HSPH1: variants seen among roughly 807,000 people sequenced by gnomAD.
HSPH1 encodes the protein heat shock protein 105 kDa.
Under a neutral mutation model 100.0 loss-of-function variants are expected in HSPH1, and 40 were observed. The ratio of observed to expected loss-of-function variants is 0.40; its 90% CI spans 0.31 to 0.52. HSPH1 has a LOEUF of 0.52. Among genes scored for constraint, HSPH1 ranks in the 20% least tolerant of loss-of-function variants. HSPH1 has a pLI of 0.54. For synonymous variants in HSPH1, 403 were observed against 344.0 expected, an observed-to-expected ratio of 1.17 and a Z score of -1.90; for missense variants, 876 against 1,015.1, an observed-to-expected ratio of 0.86 and a Z score of 1.86.
In HSPH1 at chr13:31,151,208, A is replaced by G; in HGVS notation, c.664-17T>C. On this transcript the variant is annotated splice_polypyrimidine_tract_variant and intron_variant, in intron 6 of 17. Transcript: ENST00000320027. The stretch of plus-strand genomic sequence containing the variant: ...TCCCAGTACCTAATTTGGTTGAAAC[A>G]ACAAATAGTCTGGTTATTTTCAATC... The G allele has an allele frequency of 1.9e-6, 3 of 1,581,378 alleles. No individual in the cohort carries two copies. Among genetic ancestry groups the G allele is most frequent in the Non-Finnish European group, 2.6e-6 (3 of 1,162,854 alleles).
At position 31,141,115 on chromosome 13, in the gene HSPH1, T is replaced by C; in HGVS notation, c.1854+7A>G. ...TCAAAATAAAAATATTTAATTGAAG[T>C]ACTTACCTCTGTCTCAATATACATG... On this transcript the variant is annotated splice_region_variant and intron_variant, in intron 13 of 17. Coordinates refer to ENST00000320027, the MANE Select transcript of HSPH1 (RefSeq NM_006644.4). 2.0e-6 allele frequency: 3 copies of C among 1,533,390 alleles called. No homozygotes were observed. Among genetic ancestry groups the C allele is most frequent in the Non-Finnish European group, 2.6e-6 (3 of 1,135,194 alleles). The allele number at this position is 1,533,390 out of a possible 1,614,324, so 95.0% of individuals were successfully genotyped here. A position where few individuals can be genotyped will look rare whatever the true frequency, so the allele number is the denominator to read the frequency against.
At chr13:31,162,234 C>T, upstream of HSPH1, 18 of 793,566 alleles carry the variant, frequency 2.3e-5, no homozygotes, top group South Asian at 1.8e-4. Context: ...CAATTTACTA[C>T]CGGGAGGTGG....
upstream of HSPH1, chr13:31,162,065 C>G (rs918678144): frequency 6.5e-7 from 1 of 1,536,148 alleles, no homozygotes. Flanking sequence ...AATGGGCAGC[C>G]GGTCCCCGGA....
intron 1 of HSPH1, among the ~76,000 whole-genome samples, chr13:31,159,263 A>T (rs766733820): frequency 4.6e-5 from 7 of 152,250 alleles, no homozygotes; most frequent in African/African-American, 4.8e-5. Flanking sequence ...TGTCATTGTC[A>T]TACCGACTTT....
rs1177298673 is a variant in HSPH1, at chr13:31,161,882, C to T, written c.-300G>A. ...CACTCTGCCGCGGCTCGCACACCGGCGCCGGCGCTGAACTACCGACCCAAA... is the reference window on the plus strand; with the variant it reads ...CACTCTGCCGCGGCTCGCACACCGGTGCCGGCGCTGAACTACCGACCCAAA... On this transcript the variant is annotated 5_prime_UTR_variant, in exon 1 of 18. Transcript: ENST00000320027. 2 of 1,487,520 alleles carry T rather than the reference C, an allele frequency of 1.3e-6. No homozygotes were observed. Among genetic ancestry groups the T allele is most frequent in the South Asian group, 1.3e-5 (1 of 77,438 alleles). The allele number at this position is 1,487,520 out of a possible 1,614,324, so 92.1% of individuals were successfully genotyped here.
intron 7 of HSPH1, 28 bp from the exon 8 acceptor site, chr13:31,150,210 AAAGTT>A: frequency 1.4e-6 from 2 of 1,472,054 alleles, no homozygotes; most frequent in African/African-American, 1.4e-5. Flanking sequence ...TGTTTTTAGA[AAAGTT>A]AAGACCAATA....
chr13:31,161,405 C>A, intron 1 of HSPH1, 71 bp downstream of exon 1: 3 of 1,573,956 alleles, frequency 1.9e-6, no homozygotes, highest in South Asian at 2.3e-5. Flanking sequence ...GTACAGCCAG[C>A]CCGCGATCTT....
chr13:31,147,925 T>G, intron 10 of HSPH1, 34 bp downstream of exon 10: 2 of 1,538,202 alleles, frequency 1.3e-6, no homozygotes, highest in Non-Finnish European at 1.7e-6. Context: ...AGTCTTTAAC[T>G]AAAAGAGTAA....
At position 31,148,331 on chromosome 13, in the gene HSPH1, T is replaced by C. The variant is rs371891948; in HGVS notation, c.1244+43A>G. 305 of 1,243,490 alleles carry C rather than the reference T, an allele frequency of 2.5e-4. 1 individual carries two copies. The African/African-American group carries it at 4.3e-3, about 18-fold the overall frequency. The allele number at this position is 1,243,490 out of a possible 1,614,324, so 77.0% of individuals were successfully genotyped here. On this transcript the variant is annotated intron_variant, in intron 9 of 17. Coordinates refer to ENST00000320027, the MANE Select transcript of HSPH1 (RefSeq NM_006644.4). ...TAGAGAAGTCATTTGTTAATTTTTCTTCTTTACATTATAGTATCTGAATGT... is the reference window on the plus strand; with the variant it reads ...TAGAGAAGTCATTTGTTAATTTTTCCTCTTTACATTATAGTATCTGAATGT...
chr13:31,162,251 A>C (rs1162715141), upstream of HSPH1: 10 of 708,902 alleles, frequency 1.4e-5, no homozygotes, highest in Non-Finnish European at 1.9e-5. Context: ...GTGGTGTCCG[A>C]TCCTTAACGC....
chr13:31,137,928 ACTG>A (rs1481147444), intron 17 of HSPH1, among the ~76,000 whole-genome samples: 1 of 152,124 alleles, frequency 6.6e-6, no homozygotes, highest in African/African-American at 2.4e-5. Context: ...CTTGACCTTC[ACTG>A]TGTTTGAACA....
chr13:31,156,293 G>A (rs1476038702), intron 2 of HSPH1, among the ~76,000 whole-genome samples: 3 of 152,156 alleles, frequency 2.0e-5, no homozygotes, highest in Non-Finnish European at 4.4e-5. Context: ...GGGAGGCTGA[G>A]GCAGGAGAAT....
At chr13:31,157,057 C>T (rs1441861400) in intron 2 of HSPH1, among the ~76,000 whole-genome samples, 2 of 152,092 alleles carry the variant, frequency 1.3e-5, no homozygotes, top group Non-Finnish European at 2.9e-5. Context: ...TTTCTCTTAC[C>T]TAATTTTTTG....
intron 12 of HSPH1, among the ~76,000 whole-genome samples, chr13:31,142,291 A>C (rs759599819): frequency 6.6e-6 from 1 of 152,122 alleles, no homozygotes; most frequent in Non-Finnish European, 1.5e-5. Flanking sequence ...AAAATTAAAG[A>C]GATGGAATTA....
In HSPH1 at chr13:31,148,397, G is replaced by T; in HGVS notation, c.1221C>A (p.Asn407Lys). 6.4e-7 allele frequency: 1 copy of T among 1,570,996 alleles called. No homozygotes were observed. Among genetic ancestry groups the T allele is most frequent in the Non-Finnish European group, 8.7e-7 (1 of 1,152,246 alleles). The change falls in exon 9 of 18, where the codon AAC becomes AAA. Residue 407 changes from asparagine to lysine, a missense_variant. Asn to Lys is a moderately conservative substitution (Grantham distance 94). Coordinates refer to ENST00000320027, the MANE Select transcript of HSPH1 (RefSeq NM_006644.4). Reference protein sequence around the residue: ...AVPFPISLIWNHDSEDTEGVH... With the variant: ...AVPFPISLIWKHDSEDTEGVH... ...ACCCTTCAGTATCTTCTGAATCATG[G>T]TTCCAGATCAGAGATATTGGAAAAG...
Position 31,145,688 on chromosome 13 carries a change from G to C in HSPH1, c.1459C>G (p.His487Asp), listed in dbSNP as rs755567874. 45 of 1,613,426 alleles carry C rather than the reference G, an allele frequency of 2.8e-5. No homozygotes were observed. Among genetic ancestry groups the C allele is most frequent in the Non-Finnish European group, 3.5e-5 (41 of 1,179,652 alleles). Residue 487 changes from histidine to aspartate, a missense_variant, in exon 11 of 18, where the codon CAT (histidine) becomes GAT (aspartate). Physicochemically the swap from His to Asp is moderately conservative, Grantham distance 81. Coordinates refer to ENST00000320027, the MANE Select transcript of HSPH1 (RefSeq NM_006644.4). ...RVKVKVRVNT[H>D]GIFTISTASM... ...GCCGTAGAGATGGTGAAAATGCCAT[G>C]GGTGTTGACTCGCACTTTGACTTTT...
chr13:31,156,539 G>A (rs923241597), intron 2 of HSPH1, among the ~76,000 whole-genome samples: 1 of 150,562 alleles, frequency 6.6e-6, no homozygotes, highest in Non-Finnish European at 1.5e-5. Context: ...ACTCTAGCTT[G>A]GGTAACAAGG....
At chr13:31,149,027 T>C (rs1337213302) in intron 8 of HSPH1, among the ~76,000 whole-genome samples, 6 of 152,214 alleles carry the variant, frequency 3.9e-5, no homozygotes, top group Admixed American at 1.3e-4. Flanking sequence ...ATGATTAAGC[T>C]AAATAGACCA....
rs111616965 is a variant in HSPH1, at chr13:31,141,230, T to C, written c.1746A>G (p.Pro582=). The part of the protein sequence containing the change: ...KANEKKVDQP[P]EAKKPKIKVV... Reference sequence around the variant, plus strand: ...CCTTTATTTTGGGCTTTTTAGCTTCTGGAGGCTGGTCAACTTTTTTTTCAT... The same window carrying C: ...CCTTTATTTTGGGCTTTTTAGCTTCCGGAGGCTGGTCAACTTTTTTTTCAT... Residue 582 remains proline, a synonymous_variant, in exon 13 of 18, where the codon CCA becomes CCG. Coordinates refer to ENST00000320027, the MANE Select transcript of HSPH1 (RefSeq NM_006644.4). 20 of 1,607,646 alleles carry C rather than the reference T, an allele frequency of 1.2e-5. No homozygotes were observed. The African/African-American group carries it at 1.3e-4, about 11-fold the overall frequency.
Sources: gnomAD v4.1 joint callset for allele counts (sites outside exome capture counted in the v4.1 genomes callset) on GRCh38, gnomAD v4.1.1 for gene constraint, MANE v1.5 for transcripts, NCBI Gene and HGNC (gene_info 2026-07-23, HGNC 2026-07-21) for gene names.